The following GPC5 variants were observed in gnomAD, a reference collection of about 807,000 sequenced individuals.
GPC5 encodes the protein glypican-5.
In GPC5, 47 loss-of-function variants were observed where a neutral mutation model predicts 53.9. The observed-to-expected ratio is 0.87, with a 90% confidence interval of 0.69 to 1.11. GPC5 has a LOEUF of 1.11. Among genes scored for constraint, GPC5 ranks in the 50% most tolerant of loss-of-function variants. GPC5 has a pLI of 0.00. For synonymous variants in GPC5, 286 were observed against 263.3 expected (o/e 1.09, Z -0.84); for missense variants, 748 against 713.1 (o/e 1.05, Z -0.56).
At chr13:92,458,062 A>G (rs753106704) in intron 7 of GPC5, among the ~76,000 whole-genome samples, 62 of 152,128 alleles carry the variant, frequency 4.1e-4, no homozygotes, top group Non-Finnish European at 7.5e-4. Context: ...ATCTTTAGTA[A>G]CATTACACTG....
At chr13:91,647,794 C>G (rs931926767) in intron 2 of GPC5, among the ~76,000 whole-genome samples, 21 of 152,216 alleles carry the variant, frequency 1.4e-4, no homozygotes, top group African/African-American at 5.1e-4. Context: ...TCTCAATTTT[C>G]TTTCATTGGC....
At chr13:92,769,486 T>C (rs548405104) in intron 7 of GPC5, among the ~76,000 whole-genome samples, 1 of 152,176 alleles carries the variant, frequency 6.6e-6, no homozygotes, top group East Asian at 1.9e-4. Context: ...CCCAGCACTT[T>C]GGGAGACTAA....
chr13:92,175,710 G>A (rs982057254), intron 7 of GPC5, among the ~76,000 whole-genome samples: 19 of 151,916 alleles, frequency 1.3e-4, no homozygotes, highest in Non-Finnish European at 2.5e-4. Flanking sequence ...AACACTGTGA[G>A]CAATTATAAT....
chr13:92,462,612 G>T (rs1476162164), intron 7 of GPC5, among the ~76,000 whole-genome samples: 1 of 152,094 alleles, frequency 6.6e-6, no homozygotes, highest in Non-Finnish European at 1.5e-5. Flanking sequence ...TTAGGTGAGA[G>T]TTCTGGGCTG....
chr13:92,801,470 GATA>G (rs1876904279), intron 7 of GPC5, among the ~76,000 whole-genome samples: 1 of 151,680 alleles, frequency 6.6e-6, no homozygotes, highest in Admixed American at 6.6e-5. Flanking sequence ...CATAATATTT[GATA>G]ATAATAAATG....
intron 6 of GPC5, among the ~76,000 whole-genome samples, chr13:91,938,370 A>T (rs79397070): frequency 6.6e-6 from 1 of 152,080 alleles, no homozygotes; most frequent in Non-Finnish European, 1.5e-5. Flanking sequence ...CAGAGTGAGA[A>T]CTCACTCATT....
At chr13:91,702,884 G>T (rs2036023393) in intron 3 of GPC5, among the ~76,000 whole-genome samples, 1 of 151,844 alleles carries the variant, frequency 6.6e-6, no homozygotes. Context: ...TGACTTTTTG[G>T]TAGTGGTTGT....
chr13:92,557,608 A>G (rs572759731), intron 7 of GPC5, among the ~76,000 whole-genome samples: 7 of 151,956 alleles, frequency 4.6e-5, no homozygotes, highest in Admixed American at 2.0e-4. Flanking sequence ...TAAAAACTCT[A>G]TGTTTTCCTC....
intron 2 of GPC5, among the ~76,000 whole-genome samples, chr13:91,504,608 C>T (rs1884839275): frequency 6.6e-6 from 1 of 151,970 alleles, no homozygotes; most frequent in Non-Finnish European, 1.5e-5. Context: ...AATACGTAAC[C>T]TTAGGAATTA....
At chr13:91,550,643 A>G (rs1363516474) in intron 2 of GPC5, among the ~76,000 whole-genome samples, 1 of 152,118 alleles carries the variant, frequency 6.6e-6, no homozygotes, top group East Asian at 1.9e-4. Flanking sequence ...TAGTTCATTA[A>G]GAAGTAGCGT....
intron 7 of GPC5, among the ~76,000 whole-genome samples, chr13:92,811,992 T>G (rs1382302992): frequency 6.6e-6 from 1 of 151,992 alleles, no homozygotes; most frequent in Non-Finnish European, 1.5e-5. Flanking sequence ...TTTTGATTAT[T>G]TTAGCTTTGT....
chr13:91,969,591 G>C (rs938695627), intron 6 of GPC5, among the ~76,000 whole-genome samples: 2 of 152,142 alleles, frequency 1.3e-5, no homozygotes, highest in Non-Finnish European at 2.9e-5. Flanking sequence ...GCAACCTATG[G>C]AAGGGGAGAA....
chr13:91,857,163 G>T (rs1368770529), intron 5 of GPC5, among the ~76,000 whole-genome samples: 2 of 151,120 alleles, frequency 1.3e-5, no homozygotes, highest in African/African-American at 4.8e-5. Flanking sequence ...CCAGTATTCA[G>T]CCCAGAGTAA....
chr13:91,838,441 C>T (rs960062000), intron 5 of GPC5, among the ~76,000 whole-genome samples: 4 of 151,854 alleles, frequency 2.6e-5, no homozygotes, highest in East Asian at 1.9e-4. Context: ...TGTTTTGTTT[C>T]GTTTTGTTTC....
At chr13:92,775,171 C>A (rs748280808) in intron 7 of GPC5, among the ~76,000 whole-genome samples, 2 of 152,060 alleles carry the variant, frequency 1.3e-5, no homozygotes, top group Admixed American at 6.6e-5. Context: ...CAGTGTGATA[C>A]AAACAAAACA....
intron 7 of GPC5, among the ~76,000 whole-genome samples, chr13:92,521,662 A>G (rs913567505): frequency 6.6e-6 from 1 of 152,166 alleles, no homozygotes; most frequent in African/African-American, 2.4e-5. Flanking sequence ...TAGACCTAAA[A>G]CCATAAAAAC....
chr13:92,155,081 G>T (rs1243874174), intron 7 of GPC5, among the ~76,000 whole-genome samples: 1 of 152,028 alleles, frequency 6.6e-6, no homozygotes, highest in African/African-American at 2.4e-5. Context: ...ACTATATAAT[G>T]CTCACTATTT....
At chr13:92,451,823 G>T (rs568882922) in intron 7 of GPC5, among the ~76,000 whole-genome samples, 3 of 152,262 alleles carry the variant, frequency 2.0e-5, no homozygotes, top group East Asian at 1.9e-4. Context: ...AAATGTACAT[G>T]TACCTGTATG....
At chr13:91,550,665 A>C (rs2030582047) in intron 2 of GPC5, among the ~76,000 whole-genome samples, 1 of 152,052 alleles carries the variant, frequency 6.6e-6, no homozygotes, top group African/African-American at 2.4e-5. Flanking sequence ...GCCTTGAATA[A>C]AATTTTTTGA....
Sources: allele counts gnomAD v4.1 joint callset (sites outside exome capture counted in the v4.1 genomes callset), GRCh38; gene constraint gnomAD v4.1.1; transcripts MANE v1.5; gene names NCBI Gene and HGNC (gene_info 2026-07-23, HGNC 2026-07-21).